Variants in EPHB1 observed in about 807,000 individuals in gnomAD.
The protein encoded by EPHB1 is EPH receptor B1.
A neutral mutation model predicts 94.4 loss-of-function variants in EPHB1; 30 were observed. The ratio of observed to expected loss-of-function variants is 0.32; its 90% CI spans 0.24 to 0.43. The LOEUF is 0.43. Among genes scored for constraint, EPHB1 ranks in the 20% least tolerant of loss-of-function variants. EPHB1 has a pLI of 1.00. For missense variants in EPHB1, 1,055 were observed against 1,308.3 expected (o/e 0.81, Z 2.99); for synonymous variants, 522 against 489.1 (o/e 1.07, Z -0.89).
At chr3:134,961,131 T>C (rs1217071549) in intron 3 of EPHB1, among the ~76,000 whole-genome samples, 4 of 152,234 alleles carry the variant, frequency 2.6e-5, no homozygotes, top group Non-Finnish European at 5.9e-5. Flanking sequence ...CAACTGGTAC[T>C]GGGCCCTGTA....
intron 12 of EPHB1, among the ~76,000 whole-genome samples, chr3:135,206,678 C>A (rs904407027): frequency 6.6e-6 from 1 of 152,126 alleles, no homozygotes; most frequent in Non-Finnish European, 1.5e-5. Context: ...GGTGACACCC[C>A]GCCTCTACTA....
At chr3:135,083,288 G>C (rs1430144382) in intron 3 of EPHB1, among the ~76,000 whole-genome samples, 1 of 152,084 alleles carries the variant, frequency 6.6e-6, no homozygotes, top group East Asian at 1.9e-4. Flanking sequence ...TCTCTGGCAG[G>C]TGTACAGAGG....
chr3:134,940,505 G>C (rs1245118476), intron 2 of EPHB1, among the ~76,000 whole-genome samples: 2 of 152,208 alleles, frequency 1.3e-5, no homozygotes, highest in Admixed American at 1.3e-4. Flanking sequence ...TTCTCTTGCT[G>C]TTTAAACTTC....
intron 1 of EPHB1, among the ~76,000 whole-genome samples, chr3:134,825,034 A>T (rs1285371883): frequency 6.6e-6 from 1 of 152,264 alleles, no homozygotes; most frequent in Non-Finnish European, 1.5e-5. Context: ...TACTGTCTCA[A>T]GCCAGTAAAT....
chr3:134,816,695 C>A (rs1239936092), intron 1 of EPHB1, among the ~76,000 whole-genome samples: 1 of 152,094 alleles, frequency 6.6e-6, no homozygotes, highest in East Asian at 1.9e-4. Context: ...CTTGCCAATA[C>A]CTTGTCTGGC....
intron 3 of EPHB1, among the ~76,000 whole-genome samples, chr3:134,995,910 G>A (rs182389154): frequency 2.0e-5 from 3 of 148,648 alleles, no homozygotes; most frequent in East Asian, 1.9e-4. Flanking sequence ...CTGCTATGTA[G>A]ACATAACTAC....
At chr3:134,827,798 A>G (rs946568281) in intron 1 of EPHB1, among the ~76,000 whole-genome samples, 2 of 152,186 alleles carry the variant, frequency 1.3e-5, no homozygotes, top group African/African-American at 2.4e-5. Context: ...AAGAGTACAC[A>G]GACAGTTAGG....
chr3:135,018,748 T>C (rs2107753060), intron 3 of EPHB1, among the ~76,000 whole-genome samples: 1 of 152,302 alleles, frequency 6.6e-6, no homozygotes, highest in Admixed American at 6.5e-5. Context: ...TCATTCTTCT[T>C]GGGGACATGT....
intron 10 of EPHB1, among the ~76,000 whole-genome samples, chr3:135,183,090 C>G (rs1942222724): frequency 7.3e-6 from 1 of 136,792 alleles, no homozygotes; most frequent in Admixed American, 8.2e-5. Flanking sequence ...CTTTCTCTCT[C>G]TCTCTTCCTT....
chr3:135,228,671 AG>A (rs1943459697), intron 12 of EPHB1, among the ~76,000 whole-genome samples: 14 of 152,184 alleles, frequency 9.2e-5, no homozygotes, highest in Admixed American at 9.2e-4. Flanking sequence ...CAACCATCAA[AG>A]ATGTAGTAAA....
chr3:134,809,954 A>G (rs1199942893), intron 1 of EPHB1, among the ~76,000 whole-genome samples: 4 of 152,228 alleles, frequency 2.6e-5, no homozygotes, highest in African/African-American at 9.6e-5. Context: ...GACTACCACA[A>G]GATCAGGCAG....
rs114919140 is a variant in EPHB1, at chr3:135,017,464, A to G, written c.805+65412A>G. Among the ~76,000 whole-genome samples, 1,343 of 152,250 alleles carry G rather than the reference A, an allele frequency of 8.8e-3. 22 individuals are homozygous for G. Among genetic ancestry groups the G allele is most frequent in the African/African-American group, 0.031 (1,273 of 41,526 alleles). On this transcript the variant is annotated intron_variant, in intron 3 of 15. Transcript: ENST00000398015. ...TTTCACTGGCAGCCGGAGCCCTCCA[A>G]TGAATCTTAAACTCAGGTCCCTGTG... is the stretch of plus-strand genomic sequence containing the variant.
chr3:135,179,148 A>G (rs1246170266), intron 9 of EPHB1, among the ~76,000 whole-genome samples: 1 of 151,932 alleles, frequency 6.6e-6, no homozygotes, highest in Non-Finnish European at 1.5e-5. Context: ...ATATTCCTTT[A>G]TGTATTTCTC....
intron 1 of EPHB1, among the ~76,000 whole-genome samples, chr3:134,878,006 C>T (rs769587295): frequency 3.3e-5 from 5 of 152,204 alleles, no homozygotes; most frequent in African/African-American, 4.8e-5. Context: ...AAGGGTGGCT[C>T]CTCCTGCTCT....
intron 3 of EPHB1, among the ~76,000 whole-genome samples, chr3:135,093,896 C>G (rs1938653283): frequency 6.6e-6 from 1 of 152,178 alleles, no homozygotes; most frequent in Non-Finnish European, 1.5e-5. Flanking sequence ...TTAGATGTCA[C>G]TAACCACAGG....
rs767304618 is a variant in EPHB1, at chr3:134,907,336, T to C, written c.59-18480T>C. ...AAGAGTCCACTAAATAAAGTAGATA[T>C]GTGTTTTCTTCTGCTGGTAGACAAA... On this transcript the variant is annotated intron_variant, in intron 1 of 15. Transcript: ENST00000398015. Among the ~76,000 whole-genome samples, 49 of 152,332 alleles carry C rather than the reference T, an allele frequency of 3.2e-4. No individual in the cohort carries two copies. The Middle Eastern group carries it at 0.01, about 32-fold the overall frequency.
chr3:135,171,649 T>A (rs748595888), intron 9 of EPHB1, among the ~76,000 whole-genome samples: 1 of 152,234 alleles, frequency 6.6e-6, no homozygotes, highest in Non-Finnish European at 1.5e-5. Flanking sequence ...GAGACCTAAC[T>A]TGCTGTTTAT....
intron 1 of EPHB1, among the ~76,000 whole-genome samples, chr3:134,879,456 G>A (rs954777042): frequency 6.6e-6 from 1 of 152,052 alleles, no homozygotes; most frequent in Non-Finnish European, 1.5e-5. Flanking sequence ...GGGCAACATG[G>A]TGAGACCCTG....
chr3:135,095,914 G>T (rs1209116667), intron 3 of EPHB1, among the ~76,000 whole-genome samples: 1 of 152,150 alleles, frequency 6.6e-6, no homozygotes, highest in Non-Finnish European at 1.5e-5. Context: ...CCCAGAGTGG[G>T]TTAGGTCCCT....
Sources: gnomAD v4.1 joint callset for allele counts (sites outside exome capture counted in the v4.1 genomes callset) on GRCh38, gnomAD v4.1.1 for gene constraint, MANE v1.5 for transcripts, NCBI Gene and HGNC (gene_info 2026-07-23, HGNC 2026-07-21) for gene names.